Variants in GPC6 observed in about 807,000 individuals in gnomAD.
GPC6 encodes the protein glypican-6.
GPC6 carries 14 observed loss-of-function variants against 55.2 expected under a neutral mutation model. The observed-to-expected ratio is 0.25, with a 90% CI of 0.17 to 0.40. The LOEUF (loss-of-function observed/expected upper bound fraction) is 0.40. Ranked by LOEUF, GPC6 falls within the 10% of genes least tolerant of loss-of-function variation. The pLI is 1.00. For missense variants in GPC6, 641 were observed against 708.5 expected, an observed-to-expected ratio of 0.90 and a Z score of 1.08; for synonymous variants, 278 against 259.6, an observed-to-expected ratio of 1.07 and a Z score of -0.68.
intron 3 of GPC6, among the ~76,000 whole-genome samples, chr13:93,882,158 T>C (rs925839218): frequency 2.0e-5 from 3 of 152,030 alleles, no homozygotes; most frequent in Non-Finnish European, 2.9e-5. Flanking sequence ...TTTTTGTTTT[T>C]TGTTTGTTTG....
At chr13:94,159,061 A>G (rs1365356400) in intron 4 of GPC6, among the ~76,000 whole-genome samples, 2 of 152,122 alleles carry the variant, frequency 1.3e-5, no homozygotes, top group African/African-American at 2.4e-5. Flanking sequence ...CTTGGGAGAC[A>G]TCTATGCTGA....
intron 4 of GPC6, among the ~76,000 whole-genome samples, chr13:94,035,790 A>AT: frequency 6.6e-6 from 1 of 152,116 alleles, no homozygotes; most frequent in African/African-American, 2.4e-5. Context: ...TTTACTTTGA[A>AT]TATGTGTGTG....
At chr13:93,370,133 A>G (rs2139190233) in intron 1 of GPC6, among the ~76,000 whole-genome samples, 1 of 152,212 alleles carries the variant, frequency 6.6e-6, no homozygotes, top group Non-Finnish European at 1.5e-5. Context: ...TCATTATTCC[A>G]GACAGTTGTC....
chr13:94,234,508 CTT>C (rs56709078), intron 4 of GPC6, among the ~76,000 whole-genome samples: 11 of 136,078 alleles, frequency 8.1e-5, no homozygotes, highest in Admixed American at 1.5e-4. Context: ...CTTTTGTTTG[CTT>C]TTTTTTTTTT....
chr13:93,360,401 G>A (rs947905429), intron 1 of GPC6, among the ~76,000 whole-genome samples: 5 of 152,192 alleles, frequency 3.3e-5, no homozygotes, highest in Admixed American at 6.5e-5. Context: ...GTGAATTTGT[G>A]AGTAGGTGAC....
chr13:93,857,908 G>A (rs984185693), intron 3 of GPC6, among the ~76,000 whole-genome samples: 39 of 151,352 alleles, frequency 2.6e-4, no homozygotes, highest in Admixed American at 2.3e-3. Flanking sequence ...GATCTTTGTG[G>A]GCCATAGATA....
chr13:93,961,842 T>G (rs1014841334), intron 3 of GPC6, among the ~76,000 whole-genome samples: 7 of 152,126 alleles, frequency 4.6e-5, no homozygotes, highest in Admixed American at 6.5e-5. Context: ...ATAGCAGAGA[T>G]TTTAGGCAAT....
chr13:94,325,092 C>T (rs1877044642), intron 6 of GPC6, among the ~76,000 whole-genome samples: 1 of 151,804 alleles, frequency 6.6e-6, no homozygotes, highest in Admixed American at 6.6e-5. Context: ...TCTTTGTCGT[C>T]CACAGTACTT....
intron 2 of GPC6, among the ~76,000 whole-genome samples, chr13:93,790,220 T>G (rs989755423): frequency 3.3e-5 from 5 of 152,168 alleles, no homozygotes; most frequent in African/African-American, 1.2e-4. Context: ...TCTAAGGCCT[T>G]TCAAATAAAA....
At position 94,334,525 on chromosome 13, in the gene GPC6, C is replaced by A. The variant is rs538719506; in HGVS notation, c.1152+28402C>A. On this transcript the variant is annotated intron_variant, in intron 6 of 8. Transcript: ENST00000377047. ...ACTGTCCTAGATTCTGAAACAGTGG[C>A]CTTCTCATTATGGTTCCTGGGACAA... 3.3e-5 allele frequency among the ~76,000 whole-genome samples: 5 copies of A among 152,336 alleles called. No homozygotes were observed. The East Asian group carries it at 5.8e-4, about 18-fold the overall frequency.
intron 4 of GPC6, among the ~76,000 whole-genome samples, chr13:94,188,868 G>C (rs143040355): frequency 2.8e-4 from 42 of 152,214 alleles, no homozygotes; most frequent in African/African-American, 9.6e-4. Context: ...CTCACAATCT[G>C]GTCAGTCGTC....
chr13:94,112,909 C>T (rs1000710278), intron 4 of GPC6, among the ~76,000 whole-genome samples: 1 of 151,960 alleles, frequency 6.6e-6, no homozygotes, highest in Non-Finnish European at 1.5e-5. Context: ...CAAAAATGGA[C>T]GTTAATGCTC....
chr13:94,326,205 G>GCA (rs3138573), intron 6 of GPC6, among the ~76,000 whole-genome samples: 57,532 of 147,644 alleles, frequency 0.39, 10,984 homozygotes, highest in Admixed American at 0.52. Context: ...GTATGCTTGT[G>GCA]CACACACACA....
intron 4 of GPC6, among the ~76,000 whole-genome samples, chr13:94,034,430 A>G (rs967283542): frequency 2.0e-5 from 3 of 152,282 alleles, no homozygotes; most frequent in South Asian, 4.1e-4. Flanking sequence ...TATTCAGCAG[A>G]TATAGAGACA....
At position 94,127,847 on chromosome 13, in the gene GPC6, G is replaced by C. The variant is rs183263193; in HGVS notation, c.877+99953G>C. On this transcript the variant is annotated intron_variant, in intron 4 of 8. Coordinates refer to ENST00000377047, the MANE Select transcript of GPC6 (RefSeq NM_005708.5). ...AAATTCGTTTTTAGAGTAAGGTGGA[G>C]GAATAATCATTTCTAGCTCCTGAAT... Among the ~76,000 whole-genome samples the C allele has an allele frequency of 6.5e-3, 992 of 152,182 alleles. 7 individuals carry two copies. Among genetic ancestry groups the C allele is most frequent in the South Asian group, 0.028 (134 of 4,826 alleles).
intron 4 of GPC6, among the ~76,000 whole-genome samples, chr13:94,127,573 C>A (rs1886862810): frequency 6.6e-6 from 1 of 152,124 alleles, no homozygotes; most frequent in African/African-American, 2.4e-5. Context: ...TCAGGTGTTT[C>A]TTTACAACAA....
chr13:93,715,592 C>G (rs1883223356), intron 2 of GPC6, among the ~76,000 whole-genome samples: 1 of 151,516 alleles, frequency 6.6e-6, no homozygotes. Context: ...AGGTAACAAA[C>G]TTATACATAT....
intron 2 of GPC6, among the ~76,000 whole-genome samples, chr13:93,698,111 TCTC>T (rs1882524199): frequency 6.6e-6 from 1 of 152,036 alleles, no homozygotes; most frequent in African/African-American, 2.4e-5. Flanking sequence ...AAACTTAACT[TCTC>T]TTCTTCTTGG....
At chr13:93,626,068 G>T (rs1432854799) in intron 2 of GPC6, among the ~76,000 whole-genome samples, 1 of 152,102 alleles carries the variant, frequency 6.6e-6, no homozygotes, top group East Asian at 1.9e-4. Context: ...AGAAGTTTGA[G>T]TTTGCTTATG....
Sources: gnomAD v4.1 joint callset for allele counts (sites outside exome capture counted in the v4.1 genomes callset) on GRCh38, gnomAD v4.1.1 for gene constraint, MANE v1.5 for transcripts, NCBI Gene and HGNC (gene_info 2026-07-23, HGNC 2026-07-21) for gene names.